The following MIPOL1 variants were observed in gnomAD, a reference collection of about 807,000 sequenced individuals.
MIPOL1 encodes mirror-image polydactyly gene 1 protein.
MIPOL1 carries 57 observed loss-of-function variants against 60.9 expected under a neutral mutation model. That is an observed-to-expected ratio of 0.94 (90% confidence interval 0.76 to 1.17). MIPOL1 has a LOEUF of 1.17. Ranked by LOEUF, MIPOL1 falls within the 50% of genes most tolerant of loss-of-function variation. The probability of loss-of-function intolerance (pLI) is 0.00; values close to 1 mark genes in which losing one functional copy is unlikely to be tolerated. For synonymous variants in MIPOL1, 179 were observed against 168.8 expected (o/e 1.06, Z -0.47); for missense variants, 551 against 511.6 (o/e 1.08, Z -0.74).
At chr14:37,350,543 A>G (rs2091280473) in intron 9 of MIPOL1, among the ~76,000 whole-genome samples, 1 of 152,100 alleles carries the variant, frequency 6.6e-6, no homozygotes, top group Non-Finnish European at 1.5e-5. Flanking sequence ...ATCTTGGGGT[A>G]TCCATCCCTT....
chr14:37,447,449 T>C (rs1218466589), intron 11 of MIPOL1, among the ~76,000 whole-genome samples: 1 of 152,168 alleles, frequency 6.6e-6, no homozygotes, highest in Non-Finnish European at 1.5e-5. Flanking sequence ...AGGCAAACTT[T>C]TATGTTTTAT....
chr14:37,375,593 G>A (rs2092754375), intron 10 of MIPOL1, among the ~76,000 whole-genome samples: 1 of 152,178 alleles, frequency 6.6e-6, no homozygotes, highest in Non-Finnish European at 1.5e-5. Context: ...TTATAAAAGA[G>A]CTCTGATTGT....
intron 1 of MIPOL1, among the ~76,000 whole-genome samples, chr14:37,200,205 G>A (rs1033003324): frequency 6.6e-6 from 1 of 152,122 alleles, no homozygotes; most frequent in Non-Finnish European, 1.5e-5. Flanking sequence ...TGTGAAGCTC[G>A]GACTACCTGT....
chr14:37,369,727 C>CTGT lies in MIPOL1; in HGVS notation c.936+104_936+106dup, dbSNP rs753050472. ...TTGTGTACATTTCAGCAGAAGTGAG[C>CTGT]TGTGGTGTTTGCCAACAACCCCTTC... On this transcript the variant is annotated intron_variant, in intron 10 of 12. Coordinates refer to ENST00000684589, the MANE Select transcript of MIPOL1 (RefSeq NM_001388067.1). 2.2e-4 allele frequency: 170 copies of CTGT among 758,266 alleles called. 3 individuals are homozygous for CTGT. In the South Asian group the frequency reaches 3.1e-3, roughly 14 times the overall value. The allele number at this position is 758,266 out of a possible 1,614,324, so 47.0% of individuals were successfully genotyped here. A position where few individuals can be genotyped will look rare whatever the true frequency, so the allele number is the denominator to read the frequency against.
At chr14:37,337,349 T>C (rs1385978464) in intron 9 of MIPOL1, among the ~76,000 whole-genome samples, 2 of 39,620 alleles carry the variant, frequency 5.0e-5, no homozygotes, top group African/African-American at 2.4e-4. Context: ...TATATATATA[T>C]ATATATATTT....
chr14:37,530,780 A>G (rs554431153), intron 12 of MIPOL1, among the ~76,000 whole-genome samples: 1 of 152,188 alleles, frequency 6.6e-6, no homozygotes, highest in East Asian at 1.9e-4. Flanking sequence ...TGAATATTTT[A>G]AAGTCCAGAT....
At chr14:37,436,632 G>A (rs1300332058) in intron 11 of MIPOL1, among the ~76,000 whole-genome samples, 1 of 152,134 alleles carries the variant, frequency 6.6e-6, no homozygotes, top group East Asian at 1.9e-4. Context: ...TAATGCCACT[G>A]CTGTCATAAA....
chr14:37,415,411 A>C (rs1203085181), intron 10 of MIPOL1, among the ~76,000 whole-genome samples: 1 of 152,004 alleles, frequency 6.6e-6, no homozygotes, highest in Non-Finnish European at 1.5e-5. Context: ...TCACGAGGTC[A>C]GGAGATCGAG....
At chr14:37,370,763 A>C (rs1048593346) in intron 10 of MIPOL1, among the ~76,000 whole-genome samples, 1 of 152,194 alleles carries the variant, frequency 6.6e-6, no homozygotes, top group East Asian at 1.9e-4. Context: ...AAAACAATAC[A>C]TGAGAAAGGA....
At chr14:37,294,779 A>C (rs996820790) in intron 7 of MIPOL1, among the ~76,000 whole-genome samples, 6 of 152,172 alleles carry the variant, frequency 3.9e-5, no homozygotes, top group African/African-American at 9.7e-5. Flanking sequence ...AAATGAGCAA[A>C]GCCTCCGAGA....
chr14:37,217,336 C>A (rs986678266), intron 1 of MIPOL1, among the ~76,000 whole-genome samples: 4 of 152,140 alleles, frequency 2.6e-5, no homozygotes, highest in African/African-American at 9.7e-5. Flanking sequence ...AAACTTAATA[C>A]CAATCCCACT....
intron 10 of MIPOL1, among the ~76,000 whole-genome samples, chr14:37,407,462 A>G (rs890891163): frequency 2.6e-5 from 4 of 152,146 alleles, no homozygotes; most frequent in African/African-American, 7.2e-5. Context: ...CATTTTATCA[A>G]TTATATAATT....
chr14:37,470,693 G>A (rs991507425), intron 11 of MIPOL1, among the ~76,000 whole-genome samples: 9 of 151,930 alleles, frequency 5.9e-5, no homozygotes, highest in Admixed American at 2.6e-4. Context: ...CTAATACACC[G>A]TCAGCGTGGG....
intron 10 of MIPOL1, among the ~76,000 whole-genome samples, chr14:37,372,410 T>TA: frequency 6.6e-6 from 1 of 152,222 alleles, no homozygotes; most frequent in African/African-American, 2.4e-5. Context: ...GATTAGATTT[T>TA]TGGTGATCAT....
At chr14:37,526,986 T>A (rs1168208162) in intron 12 of MIPOL1, among the ~76,000 whole-genome samples, 1 of 152,176 alleles carries the variant, frequency 6.6e-6, no homozygotes, top group Non-Finnish European at 1.5e-5. Flanking sequence ...TATATTGTTC[T>A]GATATGCACT....
intron 10 of MIPOL1, among the ~76,000 whole-genome samples, chr14:37,394,424 A>G (rs1159471459): frequency 6.6e-6 from 1 of 151,798 alleles, no homozygotes; most frequent in Non-Finnish European, 1.5e-5. Flanking sequence ...ACCGTCATCT[A>G]CTGTTTTTTT....
intron 1 of MIPOL1, among the ~76,000 whole-genome samples, chr14:37,203,653 C>G (rs1261814733): frequency 6.6e-6 from 1 of 152,162 alleles, no homozygotes; most frequent in Non-Finnish European, 1.5e-5. Context: ...CACTCTGTTG[C>G]TCACTCACCT....
intron 11 of MIPOL1, among the ~76,000 whole-genome samples, chr14:37,470,514 C>T (rs991490584): frequency 3.9e-5 from 6 of 152,058 alleles, no homozygotes; most frequent in African/African-American, 1.4e-4. Flanking sequence ...CCTGCTCTGC[C>T]ATGTGAAGAT....
chr14:37,441,604 G>T (rs2094245571), intron 11 of MIPOL1, among the ~76,000 whole-genome samples: 1 of 152,002 alleles, frequency 6.6e-6, no homozygotes, highest in Admixed American at 6.5e-5. Flanking sequence ...GTCTATTTTT[G>T]TACCTGTGGC....
Sources: allele counts gnomAD v4.1 joint callset (sites outside exome capture counted in the v4.1 genomes callset), GRCh38; gene constraint gnomAD v4.1.1; transcripts MANE v1.5; gene names NCBI Gene and HGNC (gene_info 2026-07-23, HGNC 2026-07-21).